SNTB1: variants seen among roughly 807,000 people sequenced by gnomAD.
SNTB1 encodes beta-1-syntrophin.
A neutral mutation model predicts 48.9 loss-of-function variants in SNTB1; 36 were observed. The observed-to-expected ratio is 0.74, with a 90% CI of 0.56 to 0.97. The LOEUF is 0.97. SNTB1 is among the 50% of genes least tolerant of loss of function. The probability of loss-of-function intolerance (pLI) is 0.00; values close to 1 mark genes in which losing one functional copy is unlikely to be tolerated. For synonymous variants in SNTB1, 299 were observed against 294.6 expected (o/e 1.01, Z -0.15); for missense variants, 786 against 703.4 (o/e 1.12, Z -1.33).
chr8:120,559,138 A>G (rs1815613607), intron 4 of SNTB1, among the ~76,000 whole-genome samples: 1 of 152,208 alleles, frequency 6.6e-6, no homozygotes, highest in Non-Finnish European at 1.5e-5. Context: ...TAATTTCCAG[A>G]TTAATTCAGC....
intron 2 of SNTB1, among the ~76,000 whole-genome samples, chr8:120,636,296 G>A (rs1380666347): frequency 1.3e-5 from 2 of 148,484 alleles, no homozygotes; most frequent in African/African-American, 5.0e-5. Flanking sequence ...CATTGTGCAG[G>A]TTAGTTACAT....
chr8:120,753,307 G>T (rs946433263), intron 1 of SNTB1, among the ~76,000 whole-genome samples: 1 of 152,150 alleles, frequency 6.6e-6, no homozygotes, highest in Non-Finnish European at 1.5e-5. Flanking sequence ...ACATGGTAAT[G>T]ATATAATTGC....
chr8:120,656,048 T>A (rs1016839975), intron 2 of SNTB1, among the ~76,000 whole-genome samples: 2 of 152,180 alleles, frequency 1.3e-5, no homozygotes, highest in Non-Finnish European at 2.9e-5. Context: ...TTGAGCCTGT[T>A]TTTTTTGAAA....
intron 3 of SNTB1, among the ~76,000 whole-genome samples, chr8:120,596,802 A>G (rs1272488695): frequency 1.3e-5 from 2 of 152,160 alleles, no homozygotes; most frequent in Admixed American, 6.6e-5. Context: ...CAGTCAGGAA[A>G]GCGTCTTTTC....
chr8:120,790,029 A>C (rs1239709894), intron 1 of SNTB1, among the ~76,000 whole-genome samples: 1 of 151,974 alleles, frequency 6.6e-6, no homozygotes, highest in African/African-American at 2.4e-5. Flanking sequence ...ACATCAAAAA[A>C]AGTAATTCAC....
At chr8:120,752,554 A>G (rs867185233) in intron 1 of SNTB1, among the ~76,000 whole-genome samples, 5 of 152,188 alleles carry the variant, frequency 3.3e-5, no homozygotes, top group South Asian at 2.1e-4. Flanking sequence ...AAACTCATCA[A>G]TGGAAAACTG....
chr8:120,799,480 A>G (rs772675338), intron 1 of SNTB1, among the ~76,000 whole-genome samples: 5 of 152,046 alleles, frequency 3.3e-5, no homozygotes, highest in Non-Finnish European at 7.4e-5. Context: ...TAAAAAAGGA[A>G]CAATCAAAGA....
intron 1 of SNTB1, among the ~76,000 whole-genome samples, chr8:120,780,300 T>A (rs1236532823): frequency 6.6e-6 from 1 of 152,214 alleles, no homozygotes; most frequent in Non-Finnish European, 1.5e-5. Flanking sequence ...TAAGCTATGC[T>A]TTAATATTTA....
intron 3 of SNTB1, among the ~76,000 whole-genome samples, chr8:120,621,048 C>T (rs577199093): frequency 4.8e-4 from 73 of 152,200 alleles, no homozygotes; most frequent in Non-Finnish European, 9.6e-4. Context: ...CAACCTCCAC[C>T]TCCCGGGTTC....
chr8:120,785,575 C>T (rs1268281312), intron 1 of SNTB1, among the ~76,000 whole-genome samples: 2 of 152,238 alleles, frequency 1.3e-5, no homozygotes, highest in African/African-American at 2.4e-5. Flanking sequence ...GGGGCTGCTG[C>T]TTGAGCCCGC....
chr8:120,685,780 T>C (rs1438772292), intron 2 of SNTB1, among the ~76,000 whole-genome samples: 6 of 152,250 alleles, frequency 3.9e-5, no homozygotes, highest in South Asian at 2.1e-4. Flanking sequence ...ATTCCATTTT[T>C]AATCATTTCT....
At chr8:120,643,495 C>G (rs887541086) in intron 2 of SNTB1, among the ~76,000 whole-genome samples, 7 of 152,146 alleles carry the variant, frequency 4.6e-5, no homozygotes, top group Non-Finnish European at 8.8e-5. Flanking sequence ...TAGCTTAGTT[C>G]CCATTTATAA....
chr8:120,811,676 C>T lies in SNTB1; in HGVS notation c.168G>A (p.Ala56=). ...LVLSSEEGAA[A]YNGIGTATNG... is the part of the protein sequence containing the mutation. ...TGGTGGCGGTCCCGATGCCGTTGTA[C>T]GCCGCAGCGCCCTCCTCGCTGCTCA... The change falls in exon 1 of 7, where the codon GCG becomes GCA. Residue 56 remains alanine (A), a synonymous_variant. Coordinates refer to ENST00000517992, the MANE Select transcript of SNTB1 (RefSeq NM_021021.4). The T allele has an allele frequency of 6.3e-7, 1 of 1,590,326 alleles. No individual in the cohort carries two copies. The highest frequency in any genetic ancestry group is 8.5e-7 in the Non-Finnish European group (1 of 1,172,266).
At chr8:120,698,885 C>T (rs1244203810) in intron 1 of SNTB1, among the ~76,000 whole-genome samples, 1 of 152,112 alleles carries the variant, frequency 6.6e-6, no homozygotes, top group African/African-American at 2.4e-5. Context: ...CTATACCTGG[C>T]AATCAAAATA....
chr8:120,711,136 G>C (rs191798245), intron 1 of SNTB1, among the ~76,000 whole-genome samples: 6 of 152,210 alleles, frequency 3.9e-5, no homozygotes. Flanking sequence ...GAAACAAAAC[G>C]AGAGTTTTAA....
rs192926226 is a variant in SNTB1, at chr8:120,611,555, A to G, written c.996+20889T>C. ...AAGGCAGTGCCAGGCCAGGTGCGGTAGCTCACGCCTGTAATCCCAGCACTT... is the reference window on the plus strand; with the variant it reads ...AAGGCAGTGCCAGGCCAGGTGCGGTGGCTCACGCCTGTAATCCCAGCACTT... On this transcript the variant is annotated intron_variant, in intron 3 of 6. Transcript: ENST00000517992. Among the ~76,000 whole-genome samples the G allele has an allele frequency of 6.3e-3, 952 of 151,754 alleles. 2 individuals carry two copies. The highest frequency in any genetic ancestry group is 8.1e-3 in the Non-Finnish European group (549 of 67,904).
chr8:120,632,360 A>C (rs1360714176), intron 3 of SNTB1, 84 bp downstream of exon 3: 1 of 1,221,692 alleles, frequency 8.2e-7, no homozygotes, highest in Admixed American at 2.0e-5. Flanking sequence ...GAATCAGCCT[A>C]TGGGATGAGA....
At chr8:120,712,538 T>G (rs1007674956) in intron 1 of SNTB1, among the ~76,000 whole-genome samples, 2 of 152,150 alleles carry the variant, frequency 1.3e-5, no homozygotes, top group African/African-American at 4.8e-5. Flanking sequence ...AGAAGCACTA[T>G]TAAGTCCTAA....
rs777272125 is a variant in SNTB1 at position 120,632,530 on chromosome 8, C to A, written c.910G>T (p.Val304Leu). 6.2e-7 allele frequency: 1 copy of A among 1,614,170 alleles called. No homozygotes were observed. The highest frequency in any genetic ancestry group is 1.1e-5 in the South Asian group (1 of 91,072). The change falls in exon 3 of 7, where the codon GTG (valine) becomes TTG (leucine). Residue 304 changes from valine (V) to leucine (L), a missense_variant. Physicochemically the swap from Val to Leu is conservative, Grantham distance 32. Coordinates refer to ENST00000517992, the MANE Select transcript of SNTB1 (RefSeq NM_021021.4). ...AGCTGCTCTCTGACCTCAGCAATCA[C>A]TCGGGTCAGCAGGTCATTAACGTTG... ...HSNVNDLLTR[V>L]IAEVREQLGK... is the part of the protein sequence containing the mutation.
Sources: allele counts gnomAD v4.1 joint callset (sites outside exome capture counted in the v4.1 genomes callset), GRCh38; gene constraint gnomAD v4.1.1; transcripts MANE v1.5; gene names NCBI Gene and HGNC (gene_info 2026-07-23, HGNC 2026-07-21).